Variants in RPS6KA2 observed in about 807,000 individuals in gnomAD.
RPS6KA2 encodes the protein ribosomal protein S6 kinase A2.
In RPS6KA2, 42 loss-of-function variants were observed where a neutral mutation model predicts 91.8. That is an observed-to-expected ratio of 0.46 (90% CI 0.36 to 0.59). The LOEUF (loss-of-function observed/expected upper bound fraction) is 0.59, where lower values mean the gene tolerates loss of function less well. Ranked by LOEUF, RPS6KA2 falls within the 20% of genes least tolerant of loss-of-function variation. The pLI is 0.00. For missense variants in RPS6KA2, 798 were observed against 978.5 expected (o/e 0.82, Z 2.46); for synonymous variants, 414 against 393.6 (o/e 1.05, Z -0.61).
At chr6:166,616,133 G>A (rs1786402374) in intron 1 of RPS6KA2, among the ~76,000 whole-genome samples, 1 of 152,156 alleles carries the variant, frequency 6.6e-6, no homozygotes, top group Non-Finnish European at 1.5e-5. Context: ...CGGCTGACCT[G>A]CCATGCCACC....
chr6:166,496,938 G>A (rs1781807192), intron 8 of RPS6KA2, among the ~76,000 whole-genome samples: 1 of 152,210 alleles, frequency 6.6e-6, no homozygotes, highest in Non-Finnish European at 1.5e-5. Context: ...ACCAGCGTGG[G>A]AGGTCTCCAC....
intron 2 of RPS6KA2, among the ~76,000 whole-genome samples, chr6:166,790,255 G>A (rs957267825): frequency 2.6e-5 from 4 of 152,212 alleles, no homozygotes; most frequent in Non-Finnish European, 5.9e-5. Context: ...CTGGAAGAAA[G>A]GGTATCTGTG....
rs534232055 is a variant in RPS6KA2 at position 166,516,564 on chromosome 6, C to G, written c.299-6207G>C. ...AAGTTAAACTCAACAAGGAAAACTT[C>G]TCTGTCACACATCACACAGCCAACG... On this transcript the variant is annotated intron_variant, in intron 3 of 20. Transcript: ENST00000265678. Among the ~76,000 whole-genome samples the G allele has an allele frequency of 3.0e-4, 45 of 152,366 alleles. No homozygotes were observed. In the South Asian group the frequency reaches 9.3e-3, roughly 32 times the overall value.
intron 15 of RPS6KA2, among the ~76,000 whole-genome samples, chr6:166,431,844 C>A (rs894200766): frequency 1.3e-5 from 2 of 151,972 alleles, no homozygotes; most frequent in African/African-American, 4.8e-5. Context: ...TCAAAGTGAT[C>A]TGCCTTCAGG....
At chr6:166,775,495 G>T (rs561139710) in intron 2 of RPS6KA2, among the ~76,000 whole-genome samples, 4 of 152,186 alleles carry the variant, frequency 2.6e-5, no homozygotes, top group Admixed American at 6.5e-5. Context: ...TAATCTTACT[G>T]ATGTGCTCCT....
intron 2 of RPS6KA2, among the ~76,000 whole-genome samples, chr6:166,775,170 G>A (rs959380422): frequency 2.0e-5 from 3 of 152,070 alleles, no homozygotes; most frequent in African/African-American, 7.3e-5. Context: ...ACTTTGGGGG[G>A]CAGTCTTGAT....
intron 2 of RPS6KA2, among the ~76,000 whole-genome samples, chr6:166,814,971 C>A (rs1779728031): frequency 6.6e-6 from 1 of 152,208 alleles, no homozygotes; most frequent in African/African-American, 2.4e-5. Context: ...TCTTCCACCA[C>A]ACCTGGTCAG....
rs1051855998 is a variant in RPS6KA2 at position 166,418,872 on chromosome 6, C to T, written c.1821-530G>A. ...TCATGGTGTCCCACCTTAAAACACA[C>T]CCACACACTCCTAGGAAAGGAAGGA... On this transcript the variant is annotated intron_variant, in intron 18 of 20. Transcript: ENST00000265678. This position sits in a 1 kb window ranked among gnomAD's most constrained non-coding sequence, Gnocchi z 4.9. 1.1e-4 allele frequency among the ~76,000 whole-genome samples: 17 copies of T among 152,254 alleles called. No individual in the cohort carries two copies. The highest frequency in any genetic ancestry group is 2.1e-4 in the Non-Finnish European group (14 of 68,048).
intron 5 of RPS6KA2, among the ~76,000 whole-genome samples, chr6:166,506,483 G>C (rs766572487): frequency 1.3e-5 from 2 of 152,200 alleles, no homozygotes; most frequent in Non-Finnish European, 2.9e-5. Context: ...GCAGACACCA[G>C]GCTCCAGCAT....
intron 2 of RPS6KA2, among the ~76,000 whole-genome samples, chr6:166,638,005 G>T (rs1042748168): frequency 6.6e-6 from 1 of 152,256 alleles, no homozygotes; most frequent in African/African-American, 2.4e-5. Flanking sequence ...AAATCCTCTG[G>T]GAGTTTGTGG....
chr6:166,444,395 T>G (rs1779612169), intron 14 of RPS6KA2, among the ~76,000 whole-genome samples: 1 of 152,244 alleles, frequency 6.6e-6, no homozygotes, highest in African/African-American at 2.4e-5. Flanking sequence ...CTGGGTTGGT[T>G]ATAAAAACAA....
At chr6:166,462,544 T>TC (rs1300880552) in intron 11 of RPS6KA2, among the ~76,000 whole-genome samples, 1 of 152,182 alleles carries the variant, frequency 6.6e-6, no homozygotes. Context: ...CTAAGTCAGG[T>TC]CCCGGTTCCC....
chr6:166,461,523 G>A (rs112146163), intron 11 of RPS6KA2, among the ~76,000 whole-genome samples: 1 of 72,136 alleles, frequency 1.4e-5, no homozygotes, highest in Non-Finnish European at 2.8e-5. Context: ...AGAGAGATGG[G>A]GAGAGATGGG....
intron 1 of RPS6KA2, among the ~76,000 whole-genome samples, chr6:166,545,334 G>A (rs982269677): frequency 1.6e-4 from 24 of 152,206 alleles, no homozygotes; most frequent in African/African-American, 5.6e-4. Context: ...AAGTGATTTA[G>A]CTTCCAAGAG....
At chr6:166,505,916 G>A (rs754245199) in intron 5 of RPS6KA2, among the ~76,000 whole-genome samples, 1 of 152,202 alleles carries the variant, frequency 6.6e-6, no homozygotes, top group African/African-American at 2.4e-5. Flanking sequence ...GCCCACCATG[G>A]GTTTTGTGTA....
intron 2 of RPS6KA2, among the ~76,000 whole-genome samples, chr6:166,645,382 A>T (rs767181549): frequency 6.6e-5 from 10 of 151,916 alleles, no homozygotes; most frequent in Non-Finnish European, 1.5e-4. Context: ...AACACTGAGA[A>T]TGGGATCAGA....
chr6:166,572,595 G>C (rs1784722003), intron 1 of RPS6KA2, among the ~76,000 whole-genome samples: 1 of 152,220 alleles, frequency 6.6e-6, no homozygotes, highest in Non-Finnish European at 1.5e-5. Context: ...CTGTTGCCCT[G>C]TGGCAGAGCC....
chr6:166,631,187 G>T (rs529490084), upstream of RPS6KA2, among the ~76,000 whole-genome samples: 1 of 152,332 alleles, frequency 6.6e-6, no homozygotes, highest in South Asian at 2.1e-4. Flanking sequence ...ATGCGTAAAA[G>T]TCTTCAAAAT....
intron 2 of RPS6KA2, among the ~76,000 whole-genome samples, chr6:166,672,234 G>T (rs910455450): frequency 1.3e-5 from 2 of 152,060 alleles, no homozygotes; most frequent in African/African-American, 4.8e-5. Context: ...AGAACACTAC[G>T]GGGAACAAGT....
Sources: gnomAD v4.1 joint callset for allele counts (sites outside exome capture counted in the v4.1 genomes callset) on GRCh38, gnomAD v4.1.1 for gene constraint, Gnocchi (gnomAD v3.1) non-coding constraint, MANE v1.5 for transcripts, NCBI Gene and HGNC (gene_info 2026-07-23, HGNC 2026-07-21) for gene names.